GPHN: variants seen among roughly 807,000 people sequenced by gnomAD.
GPHN encodes the protein gephyrin.
In GPHN, 17 loss-of-function variants were observed where a neutral mutation model predicts 95.5. The ratio of observed to expected loss-of-function variants is 0.18; its 90% CI spans 0.12 to 0.27. GPHN has a LOEUF of 0.27. GPHN is among the 10% of genes least tolerant of loss of function. The pLI is 1.00. For synonymous variants in GPHN, 320 were observed against 322.5 expected (o/e 0.99, Z 0.08); for missense variants, 660 against 978.1 (o/e 0.67, Z 4.34).
At chr14:67,312,961 C>A in the GPHN span, among the ~76,000 whole-genome samples, 17 of 152,022 alleles carry the variant, frequency 1.1e-4, no homozygotes, top group Non-Finnish European at 1.8e-4. Flanking sequence ...TTCCTGTATA[C>A]ATATTAAGAT....
intron 4 of GPHN, among the ~76,000 whole-genome samples, chr14:66,851,777 G>GA (rs1223169684): frequency 6.6e-6 from 1 of 152,086 alleles, no homozygotes; most frequent in Non-Finnish European, 1.5e-5. Context: ...TAAACAAGGG[G>GA]AAAATATAAT....
the GPHN span, among the ~76,000 whole-genome samples, chr14:67,696,902 G>A: frequency 6.6e-6 from 1 of 152,180 alleles, no homozygotes; most frequent in African/African-American, 2.4e-5. Flanking sequence ...ATAGCAAATT[G>A]GAGAAGAGAG....
chr14:66,653,025 G>A (rs1566765802), intron 1 of GPHN, among the ~76,000 whole-genome samples: 1 of 152,164 alleles, frequency 6.6e-6, no homozygotes, highest in Non-Finnish European at 1.5e-5. Flanking sequence ...GATCCCAGAG[G>A]TAGCTAGGAT....
In GPHN at chr14:66,589,537, T is replaced by TA. The variant is rs200107397; in HGVS notation, c.64+80956dup. Among the ~76,000 whole-genome samples, 855 of 143,468 alleles carry TA rather than the reference T, an allele frequency of 6.0e-3. 13 individuals are homozygous for TA. Among genetic ancestry groups the TA allele is most frequent in the East Asian group, 0.024 (120 of 4,920 alleles). 94.1% of individuals were successfully genotyped at this position (143,468 alleles called of 152,430 possible). ...AAAACAGACTTTAAACCAACAAAGA[T>TA]AAAAAAAAAAGACAAAGAAGGGCTT... On this transcript the variant is annotated intron_variant, in intron 1 of 22. Transcript: ENST00000478722.
chr14:67,457,206 A>G, the GPHN span, among the ~76,000 whole-genome samples: 1 of 152,348 alleles, frequency 6.6e-6, no homozygotes, highest in African/African-American at 2.4e-5. Context: ...TGACAAAATA[A>G]TCTATACGCC....
chr14:66,608,670 A>G (rs964945902), intron 1 of GPHN, among the ~76,000 whole-genome samples: 8 of 152,052 alleles, frequency 5.3e-5, no homozygotes, highest in African/African-American at 1.7e-4. Context: ...GGATGCTCCA[A>G]TGTTGGGTGT....
At position 66,880,028 on chromosome 14, in the gene GPHN, C is replaced by A; in HGVS notation, c.384C>A (p.Leu128=). The change falls in exon 5 of 23, where the codon CTC becomes CTA. Residue 128 remains leucine (L), a synonymous_variant. Transcript: ENST00000478722. Reference sequence around the variant, plus strand: ...TTAATGTTACACCTCTGGGCATGCTCTCTAGGTAAGAAAGTCACCAACATG... The same window carrying A: ...TTAATGTTACACCTCTGGGCATGCTATCTAGGTAAGAAAGTCACCAACATG... ...GSLNVTPLGM[L]SRPVCGIRGK... 1 of 1,591,988 alleles carries A rather than the reference C, an allele frequency of 6.3e-7. No individual in the cohort carries two copies. Among genetic ancestry groups the A allele is most frequent in the Non-Finnish European group, 8.6e-7 (1 of 1,160,400 alleles).
intron 2 of GPHN, among the ~76,000 whole-genome samples, chr14:66,756,904 G>C (rs986678191): frequency 6.6e-6 from 1 of 152,182 alleles, no homozygotes. Flanking sequence ...AATTCTGTTA[G>C]ACAGAAATAG....
chr14:66,954,777 A>G (rs1246683365), intron 8 of GPHN, among the ~76,000 whole-genome samples: 1 of 152,220 alleles, frequency 6.6e-6, no homozygotes, highest in African/African-American at 2.4e-5. Context: ...TATCAAATTC[A>G]GGAAGTTGCC....
At chr14:67,562,593 C>T in the GPHN span, 18 of 1,612,816 alleles carry the variant, frequency 1.1e-5, no homozygotes, top group East Asian at 1.8e-4. Context: ...CCTGGCACCC[C>T]GCGGGACAGC....
At chr14:66,595,654 A>G (rs1043264511) in intron 1 of GPHN, among the ~76,000 whole-genome samples, 4 of 152,094 alleles carry the variant, frequency 2.6e-5, no homozygotes, top group Non-Finnish European at 5.9e-5. Context: ...AGCAGCTTCC[A>G]TGGCTGCCAC....
the GPHN span, among the ~76,000 whole-genome samples, chr14:67,725,866 T>C: frequency 6.6e-6 from 1 of 152,200 alleles, no homozygotes; most frequent in Admixed American, 6.5e-5. Flanking sequence ...AAATGAAGGA[T>C]AGTTATTGAG....
At chr14:67,719,137 C>T in the GPHN span, among the ~76,000 whole-genome samples, 1 of 152,096 alleles carries the variant, frequency 6.6e-6, no homozygotes, top group Non-Finnish European at 1.5e-5. Context: ...TTGGAGGGTA[C>T]AATACAGAGG....
chr14:67,112,033 A>T, intron 15 of GPHN, 114 bp downstream of exon 15: 1 of 831,822 alleles, frequency 1.2e-6, no homozygotes, highest in Non-Finnish European at 2.1e-6. Flanking sequence ...ATTAATTTTC[A>T]GGGCTTTAAC....
the GPHN span, among the ~76,000 whole-genome samples, chr14:67,508,606 G>C: frequency 6.6e-6 from 1 of 151,560 alleles, no homozygotes; most frequent in South Asian, 2.1e-4. Flanking sequence ...GAAGAGGCCA[G>C]GTGTAGTTCT....
chr14:67,292,360 G>C, the GPHN span: 1 of 566,266 alleles, frequency 1.8e-6, no homozygotes, highest in East Asian at 2.9e-5. Context: ...TAAAACCTAT[G>C]AAATGACCAT....
At chr14:67,635,730 G>A in the GPHN span, among the ~76,000 whole-genome samples, 1 of 152,108 alleles carries the variant, frequency 6.6e-6, no homozygotes, top group East Asian at 1.9e-4. Context: ...GCAGGCACCT[G>A]TAATACCAGC....
chr14:67,363,053 A>C, the GPHN span, among the ~76,000 whole-genome samples: 1 of 152,150 alleles, frequency 6.6e-6, no homozygotes, highest in East Asian at 1.9e-4. Context: ...CTGTTTGGAG[A>C]AGCTTGGTAA....
intron 1 of GPHN, among the ~76,000 whole-genome samples, chr14:66,646,000 T>C (rs889859549): frequency 6.6e-6 from 1 of 152,146 alleles, no homozygotes; most frequent in Non-Finnish European, 1.5e-5. Flanking sequence ...TCACTTCTCA[T>C]ATGATTTGAA....
Sources: allele counts gnomAD v4.1 joint callset (sites outside exome capture counted in the v4.1 genomes callset), GRCh38; gene constraint gnomAD v4.1.1; transcripts MANE v1.5; gene names NCBI Gene and HGNC (gene_info 2026-07-23, HGNC 2026-07-21).